The following C3orf22 variants were observed in gnomAD, a reference collection of about 807,000 sequenced individuals.
C3orf22 encodes chromosome 3 open reading frame 22, also known as uncharacterized protein C3orf22.
In C3orf22, 7 loss-of-function variants were observed where a neutral mutation model predicts 10.8. The ratio of observed to expected loss-of-function variants is 0.65; its 90% CI spans 0.37 to 1.22. The LOEUF is 1.22. Ranked by LOEUF, C3orf22 falls within the 50% of genes most tolerant of loss-of-function variation. The pLI is 0.02. For missense variants in C3orf22, 173 were observed against 177.0 expected (o/e 0.98, Z 0.13); for synonymous variants, 79 against 78.9 (o/e 1.00, Z 0.00).
intron 4 of C3orf22, among the ~76,000 whole-genome samples, chr3:126,543,589 A>G (rs1205380240): frequency 6.6e-6 from 1 of 152,228 alleles, no homozygotes; most frequent in Non-Finnish European, 1.5e-5. Context: ...AGCCCACACC[A>G]GCTCAGCCAA....
chr3:126,555,494 G>A (rs1937306033), intron 1 of C3orf22, among the ~76,000 whole-genome samples: 1 of 152,146 alleles, frequency 6.6e-6, no homozygotes, highest in African/African-American at 2.4e-5. Context: ...ATTATCACCT[G>A]AGCTCCACCT....
downstream of C3orf22, among the ~76,000 whole-genome samples, chr3:126,545,613 T>C (rs1937054825): frequency 6.6e-6 from 1 of 152,198 alleles, no homozygotes. Context: ...TCTGTGGGCT[T>C]CAGCAACGAG....
At chr3:126,546,181 CCAGG>C (rs1216773104), downstream of C3orf22, among the ~76,000 whole-genome samples, 1 of 152,216 alleles carries the variant, frequency 6.6e-6, no homozygotes, top group African/African-American at 2.4e-5. Context: ...CCTCTGACCA[CCAGG>C]CCTCTTGGCC....
At chr3:126,528,260 G>A (rs1471160367) in intron 5 of C3orf22, among the ~76,000 whole-genome samples, 1 of 152,034 alleles carries the variant, frequency 6.6e-6, no homozygotes, top group African/African-American at 2.4e-5. Context: ...TCTTCCTATG[G>A]CTGTCAGAGG....
At chr3:126,539,812 CCACAAACACACAT>C (rs1936901677) in intron 4 of C3orf22, among the ~76,000 whole-genome samples, 1 of 99,956 alleles carries the variant, frequency 1.0e-5, no homozygotes, top group African/African-American at 4.1e-5. Flanking sequence ...ACACCACACA[CCACAAACACACAT>C]ACCACACACA....
intron 3 of C3orf22, 128 bp downstream of exon 3, chr3:126,551,869 T>C: frequency 9.5e-7 from 1 of 1,048,362 alleles, no homozygotes; most frequent in Non-Finnish European, 1.4e-6. Context: ...TCTGCCTCAG[T>C]TTCCTCAGCT....
At chr3:126,541,760 C>G (rs1487647221) in intron 4 of C3orf22, 1 of 1,508,558 alleles carries the variant, frequency 6.6e-7, no homozygotes, top group East Asian at 2.6e-5. Flanking sequence ...GGCGAAGGTG[C>G]ACCGGCAGCG....
rs1937139628 is a variant in C3orf22, at chr3:126,549,857, G to C, written c.*11C>G. The C allele has an allele frequency of 1.2e-6, 2 of 1,603,930 alleles. No individual in the cohort carries two copies. The highest frequency in any genetic ancestry group is 1.7e-5 in the Admixed American group (1 of 59,224). On this transcript the variant is annotated 3_prime_UTR_variant, in exon 4 of 4. Transcript: ENST00000318225. ...GTGGCCAATAAGAAGGCCACACACA[G>C]AGCCCAGTCTCTAGGAGAGGCCCCT... is the stretch of plus-strand genomic sequence containing the variant.
intron 2 of C3orf22, among the ~76,000 whole-genome samples, chr3:126,553,020 C>T (rs1576249689): frequency 2.0e-5 from 3 of 152,340 alleles, no homozygotes; most frequent in South Asian, 2.1e-4. Flanking sequence ...GAGGGGCAGT[C>T]GTCTGTGGCC....
exon 6 of C3orf22, chr3:126,527,417 C>T (rs1936557724): frequency 6.6e-6 from 1 of 152,314 alleles, no homozygotes; most frequent in African/African-American, 2.4e-5. Flanking sequence ...TTTAGCTTTT[C>T]TCTGCCATAG....
At chr3:126,549,060 G>A (rs1330865282), downstream of C3orf22, among the ~76,000 whole-genome samples, 3 of 152,152 alleles carry the variant, frequency 2.0e-5, no homozygotes, top group African/African-American at 7.2e-5. Context: ...CTGCTGTCTT[G>A]CTTTACAAAG....
rs147133309 is a variant in C3orf22, at chr3:126,528,621, G to A, written c.*218+511C>T. ...AGAGCCCTGGGGCCTACCCGGGGCTGGCCATGGGCAGGGAAGGTGGAAGTG... is the reference window on the plus strand; with the variant it reads ...AGAGCCCTGGGGCCTACCCGGGGCTAGCCATGGGCAGGGAAGGTGGAAGTG... On this transcript the variant is annotated intron_variant and NMD_transcript_variant, in intron 5 of 5. Transcript: ENST00000505070. Among the ~76,000 whole-genome samples, 1,425 of 152,232 alleles carry A rather than the reference G, an allele frequency of 9.4e-3. 13 individuals are homozygous for A. Among genetic ancestry groups the A allele is most frequent in the Non-Finnish European group, 0.012 (820 of 67,988 alleles).
chr3:126,542,445 C>A, intron 4 of C3orf22: 1 of 1,562,258 alleles, frequency 6.4e-7, no homozygotes, highest in Non-Finnish European at 8.6e-7. Flanking sequence ...CGGGGAGCCG[C>A]CGCCTCCCGC....
At chr3:126,556,644 CCACA>C (rs35184055) in intron 1 of C3orf22, among the ~76,000 whole-genome samples, 130 of 149,990 alleles carry the variant, frequency 8.7e-4, no homozygotes, top group Middle Eastern at 3.5e-3. Flanking sequence ...ACTGCCGTTC[CCACA>C]CACACACACA....
chr3:126,543,979 G>A (rs539687759), intron 4 of C3orf22, among the ~76,000 whole-genome samples: 15 of 152,312 alleles, frequency 9.8e-5, no homozygotes, highest in Middle Eastern at 3.4e-3. Context: ...CATTTCCAGC[G>A]TTCCCTGGGT....
chr3:126,556,644 C>CCACACACA (rs35184055), intron 1 of C3orf22, among the ~76,000 whole-genome samples: 7 of 150,034 alleles, frequency 4.7e-5, no homozygotes, highest in African/African-American at 1.7e-4. Flanking sequence ...ACTGCCGTTC[C>CCACACACA]CACACACACA....
chr3:126,534,400 GAC>G lies in C3orf22; in HGVS notation c.287-5030_287-5029del, dbSNP rs1936720068. Among the ~76,000 whole-genome samples the G allele has an allele frequency of 5.3e-5, 8 of 152,326 alleles. No individual in the cohort carries two copies. In the South Asian group the frequency reaches 1.7e-3, roughly 32 times the overall value. On this transcript the variant is annotated intron_variant and NMD_transcript_variant, in intron 4 of 5. Transcript: ENST00000505070. ...GAGCAGTGCAGCAAGGAGACAGACA[GAC>G]AGACAGACAGCATCCCTGTCCTCAT...
At position 126,551,981 on chromosome 3, in the gene C3orf22, CA is replaced by C; in HGVS notation, c.215+15del. ...ACACAGCCAGTGGGGGTGGTGGCAT[CA>C]GGGCAGGGACTTACCCTCGGACTGG... On this transcript the variant is annotated intron_variant, in intron 3 of 3. Transcript: ENST00000318225. The C allele has an allele frequency of 6.3e-7, 1 of 1,578,744 alleles. No individual in the cohort carries two copies. Among genetic ancestry groups the C allele is most frequent in the East Asian group, 2.3e-5 (1 of 43,802 alleles).
chr3:126,541,947 G>A (rs1300176455), intron 4 of C3orf22: 1 of 1,586,950 alleles, frequency 6.3e-7, no homozygotes. Context: ...GGCCAAGCCC[G>A]CGGCGACCCG....
Sources: allele counts gnomAD v4.1 joint callset (sites outside exome capture counted in the v4.1 genomes callset), GRCh38; gene constraint gnomAD v4.1.1; transcripts MANE v1.5; gene names NCBI Gene and HGNC (gene_info 2026-07-23, HGNC 2026-07-21).